SLC39A9: variants seen among roughly 807,000 people sequenced by gnomAD.
The protein encoded by SLC39A9 is solute carrier family 39 member 9.
A neutral mutation model predicts 28.4 loss-of-function variants in SLC39A9; 14 were observed. That is an observed-to-expected ratio of 0.49 (90% CI 0.33 to 0.77). SLC39A9 has a LOEUF of 0.77. Among genes scored for constraint, SLC39A9 ranks in the 30% least tolerant of loss-of-function variants. The probability of loss-of-function intolerance (pLI) is 0.02; values close to 1 mark genes in which losing one functional copy is unlikely to be tolerated. For missense variants in SLC39A9, 283 were observed against 381.1 expected (o/e 0.74, Z 2.14); for synonymous variants, 119 against 149.6 (o/e 0.80, Z 1.49).
At chr14:69,431,667 C>A (rs1482986417) in intron 2 of SLC39A9, among the ~76,000 whole-genome samples, 1 of 151,826 alleles carries the variant, frequency 6.6e-6, no homozygotes, top group Non-Finnish European at 1.5e-5. Context: ...ATCCCATCAC[C>A]CAGGCACTGA....
rs952341191 is a variant in SLC39A9, at chr14:69,458,916, A to G, written c.*323A>G. On this transcript the variant is annotated 3_prime_UTR_variant, in exon 7 of 7. Coordinates refer to ENST00000336643, the MANE Select transcript of SLC39A9 (RefSeq NM_018375.5). ...TTTAAGGAAAAGAGGAGAACTTCAT[A>G]CTCACAATGAAATAGTGATTATGAA... The G allele has an allele frequency of 2.8e-6, 3 of 1,065,184 alleles. No homozygotes were observed. The highest frequency in any genetic ancestry group is 2.3e-6 in the Non-Finnish European group (2 of 880,098). 66.0% of individuals were successfully genotyped at this position (1,065,184 alleles called of 1,614,324 possible).
intron 2 of SLC39A9, among the ~76,000 whole-genome samples, chr14:69,430,090 G>A (rs919546211): frequency 6.6e-6 from 1 of 152,058 alleles, no homozygotes; most frequent in African/African-American, 2.4e-5. Context: ...ATATATTCTA[G>A]ATACAAGTCC....
intron 1 of SLC39A9, among the ~76,000 whole-genome samples, chr14:69,404,331 A>T (rs1013434781): frequency 4.6e-5 from 7 of 152,212 alleles, no homozygotes; most frequent in African/African-American, 1.7e-4. Context: ...TTCAAAAGGG[A>T]CTGTCTGAGA....
intron 2 of SLC39A9, among the ~76,000 whole-genome samples, chr14:69,425,084 G>T (rs532427745): frequency 1.3e-5 from 2 of 152,200 alleles, no homozygotes; most frequent in Non-Finnish European, 2.9e-5. Flanking sequence ...AGTGTTGCAA[G>T]ATAGGACAGG....
chr14:69,455,427 A>G (rs1274789224), intron 5 of SLC39A9, among the ~76,000 whole-genome samples: 2 of 152,080 alleles, frequency 1.3e-5, no homozygotes, highest in South Asian at 4.2e-4. Flanking sequence ...CCTGGGTTCA[A>G]GCGATTCTCC....
intron 1 of SLC39A9, among the ~76,000 whole-genome samples, chr14:69,405,662 A>C (rs1882874028): frequency 6.6e-6 from 1 of 152,240 alleles, no homozygotes; most frequent in Admixed American, 6.5e-5. Flanking sequence ...AGAAATCATC[A>C]GCTTGTCTTT....
chr14:69,450,205 GAAGA>G (rs1885540013), intron 3 of SLC39A9, among the ~76,000 whole-genome samples: 2 of 151,622 alleles, frequency 1.3e-5, no homozygotes, highest in Non-Finnish European at 2.9e-5. Context: ...AAAAAAAAAG[GAAGA>G]AAGGAAGGAA....
intron 1 of SLC39A9, 42 bp from the exon 2 acceptor site, chr14:69,424,052 A>G: frequency 4.7e-6 from 7 of 1,491,024 alleles, no homozygotes; most frequent in Non-Finnish European, 5.6e-6. Context: ...TTTCCCATTA[A>G]TTAATCAAAG....
At chr14:69,399,617 A>G (rs752056370) in intron 1 of SLC39A9, 152 bp downstream of exon 1, 1 of 625,346 alleles carries the variant, frequency 1.6e-6, no homozygotes, top group Non-Finnish European at 2.8e-6. Context: ...ACACTTAATA[A>G]TAGAAAGAAA....
At chr14:69,414,806 A>G (rs1301455059) in intron 1 of SLC39A9, among the ~76,000 whole-genome samples, 1 of 152,182 alleles carries the variant, frequency 6.6e-6, no homozygotes, top group Non-Finnish European at 1.5e-5. Flanking sequence ...CCACCCTCTC[A>G]TCACTGGTCA....
At position 69,442,056 on chromosome 14, in the gene SLC39A9, T is replaced by C; in HGVS notation, c.206-13T>C. ...AAAAACATATTTTCTCTTTATGGTTTATTCTGCTCTAGGAAAACACCACCA... is the reference window on the plus strand; with the variant it reads ...AAAAACATATTTTCTCTTTATGGTTCATTCTGCTCTAGGAAAACACCACCA... On this transcript the variant is annotated splice_polypyrimidine_tract_variant and intron_variant, in intron 2 of 6. Coordinates refer to ENST00000336643, the MANE Select transcript of SLC39A9 (RefSeq NM_018375.5). The C allele has an allele frequency of 6.2e-7, 1 of 1,612,120 alleles. No individual in the cohort carries two copies. The highest frequency in any genetic ancestry group is 8.5e-7 in the Non-Finnish European group (1 of 1,179,092).
At position 69,461,909 on chromosome 14, in the gene SLC39A9, G is replaced by T; in HGVS notation, c.*3316G>T. ...TGTTAAGTGAAAATCCTCTGTAGTTGTTCTGCAGAGGAACCTTCCTTCCAT... is the reference window on the plus strand; with the variant it reads ...TGTTAAGTGAAAATCCTCTGTAGTTTTTCTGCAGAGGAACCTTCCTTCCAT... On this transcript the variant is annotated 3_prime_UTR_variant, in exon 7 of 7. Coordinates refer to ENST00000336643, the MANE Select transcript of SLC39A9 (RefSeq NM_018375.5). 1.6e-6 allele frequency: 1 copy of T among 613,954 alleles called. No individual in the cohort carries two copies. The highest frequency in any genetic ancestry group is 2.7e-6 in the Non-Finnish European group (1 of 374,764). 38.0% of individuals were successfully genotyped at this position (613,954 alleles called of 1,614,324 possible).
At chr14:69,434,066 T>C (rs1347019013) in intron 2 of SLC39A9, among the ~76,000 whole-genome samples, 3 of 148,904 alleles carry the variant, frequency 2.0e-5, no homozygotes, top group Non-Finnish European at 4.4e-5. Flanking sequence ...ATTACAGGCA[T>C]GTAATTCTTT....
intron 1 of SLC39A9, among the ~76,000 whole-genome samples, chr14:69,409,652 A>T (rs1883159403): frequency 6.6e-6 from 1 of 152,194 alleles, no homozygotes; most frequent in African/African-American, 2.4e-5. Context: ...TGGGCATTTT[A>T]AAAAATGTCC....
At chr14:69,414,244 C>T (rs907401958) in intron 1 of SLC39A9, among the ~76,000 whole-genome samples, 4 of 152,100 alleles carry the variant, frequency 2.6e-5, no homozygotes, top group South Asian at 2.1e-4. Context: ...GACAGGGTTT[C>T]GCCATGCTGG....
rs1429688207 is a variant in SLC39A9, at chr14:69,461,359, A to C, written c.*2766A>C. 1 of 1,118,920 alleles carries C rather than the reference A, an allele frequency of 8.9e-7. No homozygotes were observed. The highest frequency in any genetic ancestry group is 4.3e-5 in the Admixed American group (1 of 23,044). 69.3% of individuals were successfully genotyped at this position (1,118,920 alleles called of 1,614,324 possible). ...GTTAATTGCTTGTCAGTTCCATTTC[A>C]AGAAAGCAGTGATGTTCCAGGTTTG... On this transcript the variant is annotated 3_prime_UTR_variant, in exon 7 of 7. Coordinates refer to ENST00000336643, the MANE Select transcript of SLC39A9 (RefSeq NM_018375.5).
intron 2 of SLC39A9, among the ~76,000 whole-genome samples, chr14:69,438,632 A>T (rs1453852046): frequency 6.6e-6 from 1 of 152,252 alleles, no homozygotes; most frequent in Admixed American, 6.5e-5. Context: ...AAGAACTTCA[A>T]AGATTGTTGG....
chr14:69,437,126 C>G (rs1253469157), intron 2 of SLC39A9, among the ~76,000 whole-genome samples: 1 of 152,128 alleles, frequency 6.6e-6, no homozygotes, highest in African/African-American at 2.4e-5. Flanking sequence ...CTCGGCCTCC[C>G]AAAGTGCTGG....
intron 1 of SLC39A9, among the ~76,000 whole-genome samples, chr14:69,402,296 C>G (rs1242759637): frequency 6.6e-6 from 1 of 151,892 alleles, no homozygotes; most frequent in African/African-American, 2.4e-5. Flanking sequence ...AGGCTTCATT[C>G]AAAGTGCTCC....
Sources: gnomAD v4.1 joint callset for allele counts (sites outside exome capture counted in the v4.1 genomes callset) on GRCh38, gnomAD v4.1.1 for gene constraint, MANE v1.5 for transcripts, NCBI Gene and HGNC (gene_info 2026-07-23, HGNC 2026-07-21) for gene names.